The following INPP5D variants were observed in gnomAD, a reference collection of about 807,000 sequenced individuals.
INPP5D encodes inositol polyphosphate-5-phosphatase D.
In INPP5D, 33 loss-of-function variants were observed where a neutral mutation model predicts 122.9. The ratio of observed to expected loss-of-function variants is 0.27; its 90% CI spans 0.20 to 0.36. INPP5D has a LOEUF of 0.36. Ranked by LOEUF, INPP5D falls within the 10% of genes least tolerant of loss-of-function variation. The probability of loss-of-function intolerance (pLI) is 1.00; values close to 1 mark genes in which losing one functional copy is unlikely to be tolerated. For missense variants in INPP5D, 1,053 were observed against 1,412.7 expected, an observed-to-expected ratio of 0.75 and a Z score of 4.08; for synonymous variants, 584 against 576.2, an observed-to-expected ratio of 1.01 and a Z score of -0.19.
intron 2 of INPP5D, among the ~76,000 whole-genome samples, chr2:233,096,826 AT>A (rs1692157532): frequency 6.6e-6 from 1 of 151,916 alleles, no homozygotes; most frequent in Admixed American, 6.6e-5. Context: ...ATATGAAAAT[AT>A]TTTCTCCAGC....
intron 2 of INPP5D, among the ~76,000 whole-genome samples, chr2:233,086,131 T>G (rs1691830020): frequency 8.8e-6 from 1 of 113,226 alleles, no homozygotes; most frequent in African/African-American, 3.6e-5. Context: ...CTTTCTTTCT[T>G]TCTTTCTTTC....
chr2:233,155,864 A>G (rs1233518372), intron 9 of INPP5D, among the ~76,000 whole-genome samples: 1 of 152,174 alleles, frequency 6.6e-6, no homozygotes, highest in Non-Finnish European at 1.5e-5. Context: ...GCTGGACTCC[A>G]AGAAAAGATC....
Position 233,147,454 on chromosome 2 carries a change from A to ATC in INPP5D, c.907-13_907-12dup, listed in dbSNP as rs771280829. ...CAGGCAGAAAATCAATCAGTGACACATCTCTTCTCTTCTAAGGTGAAGGCA... is the reference window on the plus strand; with the variant it reads ...CAGGCAGAAAATCAATCAGTGACACATCTCTCTTCTCTTCTAAGGTGAAGGCA... On this transcript the variant is annotated splice_polypyrimidine_tract_variant and intron_variant, in intron 8 of 26. Coordinates refer to ENST00000445964, the MANE Select transcript of INPP5D (RefSeq NM_001017915.3). The ATC allele has an allele frequency of 1.4e-6, 1 of 704,054 alleles. No homozygotes were observed. The highest frequency in any genetic ancestry group is 1.5e-5 in the South Asian group (1 of 67,596). 43.6% of individuals were successfully genotyped at this position (704,054 alleles called of 1,614,324 possible).
chr2:233,097,918 ACT>A (rs1415838329), intron 2 of INPP5D, among the ~76,000 whole-genome samples: 1 of 148,394 alleles, frequency 6.7e-6, no homozygotes, highest in Non-Finnish European at 1.5e-5. Flanking sequence ...ACAGAGTCTC[ACT>A]CTGTCGCCTA....
At chr2:233,167,050 T>C (rs1243995152) in intron 13 of INPP5D, among the ~76,000 whole-genome samples, 3 of 151,624 alleles carry the variant, frequency 2.0e-5, no homozygotes, top group Admixed American at 2.0e-4. Context: ...CAAGGCTGTG[T>C]GCTGAATGCT....
chr2:233,120,962 CTG>C (rs973496626), intron 2 of INPP5D, among the ~76,000 whole-genome samples: 3 of 151,952 alleles, frequency 2.0e-5, no homozygotes, highest in African/African-American at 7.3e-5. Flanking sequence ...TGATTTTTTC[CTG>C]TGTTTTTTTT....
intron 4 of INPP5D, among the ~76,000 whole-genome samples, chr2:233,126,476 A>G (rs1693162167): frequency 6.6e-6 from 1 of 152,224 alleles, no homozygotes; most frequent in Non-Finnish European, 1.5e-5. Flanking sequence ...CCACCTGGAC[A>G]TACCCATTGG....
intron 8 of INPP5D, among the ~76,000 whole-genome samples, chr2:233,146,680 T>C (rs1412787284): frequency 1.3e-5 from 2 of 152,202 alleles, no homozygotes; most frequent in Non-Finnish European, 2.9e-5. Flanking sequence ...GAGTGTCTCA[T>C]TGGGCCAGGC....
Position 233,170,458 on chromosome 2 carries a change from G to C in INPP5D, c.1792-38G>C, listed in dbSNP as rs1300092549. Reference sequence around the variant, plus strand: ...AAGCTTGTCAGGCCTGGATCAGCAGGGCTTCTCACCAGAGGCCCGGGCATG... The same window carrying C: ...AAGCTTGTCAGGCCTGGATCAGCAGCGCTTCTCACCAGAGGCCCGGGCATG... On this transcript the variant is annotated intron_variant, in intron 15 of 26. Transcript: ENST00000445964. The surrounding 1 kb of genome is among the most constrained non-coding windows in gnomAD (Gnocchi z 4.5). The C allele has an allele frequency of 6.2e-7, 1 of 1,613,082 alleles. No homozygotes were observed. The highest frequency in any genetic ancestry group is 2.2e-5 in the East Asian group (1 of 44,856).
At chr2:233,140,438 C>G (rs1693610084) in intron 6 of INPP5D, 1 of 152,096 alleles carries the variant, frequency 6.6e-6, no homozygotes, top group East Asian at 1.9e-4. Flanking sequence ...AAAGCAAAAG[C>G]TGTATCTCAG....
At chr2:233,109,853 T>C (rs903336980) in intron 2 of INPP5D, among the ~76,000 whole-genome samples, 1 of 151,764 alleles carries the variant, frequency 6.6e-6, no homozygotes, top group African/African-American at 2.4e-5. Flanking sequence ...CCCTAAGTGC[T>C]GGGATTACAG....
At chr2:233,200,826 G>C (rs912756069) in intron 25 of INPP5D, among the ~76,000 whole-genome samples, 1 of 151,988 alleles carries the variant, frequency 6.6e-6, no homozygotes, top group African/African-American at 2.4e-5. Context: ...AGGCGTAGTG[G>C]CCCACACCTG....
At chr2:233,109,381 T>C (rs76409964) in intron 2 of INPP5D, among the ~76,000 whole-genome samples, 2,596 of 152,298 alleles carry the variant, frequency 0.017, 57 homozygotes, top group African/African-American at 0.055. Context: ...TCTATGCGCG[T>C]TGCTGTGTGA....
intron 6 of INPP5D, among the ~76,000 whole-genome samples, chr2:233,142,585 A>G (rs895417479): frequency 9.2e-5 from 14 of 152,170 alleles, no homozygotes; most frequent in Non-Finnish European, 1.9e-4. Flanking sequence ...ACTGCTGGGA[A>G]GTGTGAAATG....
intron 2 of INPP5D, among the ~76,000 whole-genome samples, chr2:233,110,478 G>A (rs548075717): frequency 3.5e-4 from 53 of 152,210 alleles, no homozygotes; most frequent in Middle Eastern, 3.4e-3. Context: ...GAGATTGTAG[G>A]CATGAGCCAC....
intron 2 of INPP5D, among the ~76,000 whole-genome samples, chr2:233,081,514 G>A (rs996045740): frequency 3.9e-5 from 6 of 152,180 alleles, no homozygotes; most frequent in African/African-American, 1.4e-4. Context: ...GCCTGTAAAT[G>A]TGTAGACTGC....
intron 25 of INPP5D, among the ~76,000 whole-genome samples, chr2:233,199,667 A>T (rs190841734): frequency 6.3e-4 from 95 of 151,764 alleles, no homozygotes; most frequent in African/African-American, 2.2e-3. Flanking sequence ...ATCTCTACTA[A>T]AAATACAAAA....
intron 2 of INPP5D, among the ~76,000 whole-genome samples, chr2:233,110,939 AC>A (rs200997636): frequency 0.025 from 3,227 of 127,320 alleles, 65 homozygotes; most frequent in African/African-American, 0.084. Context: ...AAAAAAAACA[AC>A]AAAAAAAAAA....
In INPP5D at chr2:233,189,665, C is replaced by A. The variant is rs1046659581; in HGVS notation, c.2359-185C>A. ...GAGGGGGACAGGGAAGGAAGCTAACCCCCACCTTGCTGGACAGGGTGTATG... is the reference window on the plus strand; with the variant it reads ...GAGGGGGACAGGGAAGGAAGCTAACACCCACCTTGCTGGACAGGGTGTATG... On this transcript the variant is annotated intron_variant, in intron 21 of 26. Transcript: ENST00000445964. The surrounding 1 kb of genome is among the most constrained non-coding windows in gnomAD (Gnocchi z 5.6). Among the ~76,000 whole-genome samples the A allele has an allele frequency of 6.6e-6, 1 of 152,070 alleles. No individual in the cohort carries two copies. The highest frequency in any genetic ancestry group is 6.6e-5 in the Admixed American group (1 of 15,262).
Sources: allele counts gnomAD v4.1 joint callset (sites outside exome capture counted in the v4.1 genomes callset), GRCh38; gene constraint gnomAD v4.1.1; non-coding constraint Gnocchi (gnomAD v3.1); transcripts MANE v1.5; gene names NCBI Gene and HGNC (gene_info 2026-07-23, HGNC 2026-07-21).